SPIDR: variants seen among roughly 807,000 people sequenced by gnomAD.
SPIDR encodes scaffold protein involved in DNA repair.
SPIDR carries 93 observed loss-of-function variants against 104.6 expected under a neutral mutation model. That is an observed-to-expected ratio of 0.89 (90% CI 0.75 to 1.06). The LOEUF (loss-of-function observed/expected upper bound fraction) is 1.06. Ranked by LOEUF, SPIDR falls within the 50% of genes least tolerant of loss-of-function variation. The pLI is 0.00. For missense variants in SPIDR, 1,154 were observed against 1,111.2 expected (o/e 1.04, Z -0.55); for synonymous variants, 431 against 416.9 (o/e 1.03, Z -0.41).
intron 10 of SPIDR, chr8:47,668,027 T>A (rs2075230422): frequency 6.6e-6 from 1 of 152,156 alleles, no homozygotes; most frequent in African/African-American, 2.4e-5. Context: ...GTTCAAATAG[T>A]CCAGTTATCA....
chr8:47,596,731 A>G (rs2061659496), intron 9 of SPIDR, among the ~76,000 whole-genome samples: 1 of 152,192 alleles, frequency 6.6e-6, no homozygotes, highest in Non-Finnish European at 1.5e-5. Flanking sequence ...TAAATTTTTC[A>G]TTAACTTTTT....
At chr8:47,516,844 C>T (rs543435656) in intron 8 of SPIDR, among the ~76,000 whole-genome samples, 1 of 152,148 alleles carries the variant, frequency 6.6e-6, no homozygotes, top group Admixed American at 6.5e-5. Flanking sequence ...TAAGGAACTA[C>T]CATATTGTTT....
At chr8:47,282,894 C>T (rs1554559835) in intron 2 of SPIDR, among the ~76,000 whole-genome samples, 1,607 of 151,214 alleles carry the variant, frequency 0.011, 10 homozygotes, top group Non-Finnish European at 0.016. Context: ...CTGTCTCTGT[C>T]GCTCGGGGTG....
chr8:47,573,594 G>A lies in SPIDR; in HGVS notation c.1098-22217G>A, dbSNP rs75819773. Among the ~76,000 whole-genome samples the A allele has an allele frequency of 4.1e-3, 620 of 152,302 alleles. 2 individuals are homozygous for A. The highest frequency in any genetic ancestry group is 7.0e-3 in the Non-Finnish European group (477 of 68,018). On this transcript the variant is annotated intron_variant, in intron 8 of 19. Coordinates refer to ENST00000297423, the MANE Select transcript of SPIDR (RefSeq NM_001080394.4). ...TGGAGGAAGGTGACAGGAGTAAGTT[G>A]GAGGAGAAGCAAAGTCTGGGAGGCT...
intron 5 of SPIDR, among the ~76,000 whole-genome samples, chr8:47,356,741 TA>T (rs35086261): frequency 0.49 from 74,282 of 151,880 alleles, 22,136 homozygotes; most frequent in Non-Finnish European, 0.66. Context: ...TAGCAGGGGA[TA>T]GGGGGTGGTT....
At chr8:47,578,315 A>G (rs2059356969) in intron 8 of SPIDR, among the ~76,000 whole-genome samples, 1 of 152,130 alleles carries the variant, frequency 6.6e-6, no homozygotes, top group Non-Finnish European at 1.5e-5. Context: ...TACTAAAAAT[A>G]CAAAAAATTA....
chr8:47,357,963 C>T (rs2054895389), intron 5 of SPIDR: 1 of 629,604 alleles, frequency 1.6e-6, no homozygotes. Flanking sequence ...GTGTGGTTTA[C>T]ATTCACTCTG....
chr8:47,490,206 G>T (rs1012138341), intron 8 of SPIDR, among the ~76,000 whole-genome samples: 1 of 152,224 alleles, frequency 6.6e-6, no homozygotes, highest in Admixed American at 6.5e-5. Flanking sequence ...TAGACACTTT[G>T]CAGGGGAAGA....
intron 11 of SPIDR, among the ~76,000 whole-genome samples, chr8:47,691,701 G>GCTGTCT (rs2078679888): frequency 6.6e-6 from 1 of 152,228 alleles, no homozygotes. Context: ...CAGCACAGGT[G>GCTGTCT]CTGTCTCTGT....
Position 47,414,968 on chromosome 8 carries a change from A to G in SPIDR, c.877+7007A>G, listed in dbSNP as rs200004982. On this transcript the variant is annotated intron_variant, in intron 7 of 19. Transcript: ENST00000297423. ...GCCCAGGCTGGAGTGCAGTGGCACC[A>G]TCTCAGCTCACTGCAAGCTCCGCCT... Among the ~76,000 whole-genome samples the G allele has an allele frequency of 2.2e-4, 34 of 152,208 alleles. No homozygotes were observed. In the East Asian group the frequency reaches 6.0e-3, roughly 27 times the overall value.
intron 5 of SPIDR, among the ~76,000 whole-genome samples, chr8:47,338,957 A>G (rs1554611776): frequency 6.6e-6 from 1 of 152,224 alleles, no homozygotes; most frequent in African/African-American, 2.4e-5. Context: ...GTAAAGGACA[A>G]AATGAATAAA....
chr8:47,449,224 A>G (rs2071250878), intron 8 of SPIDR, among the ~76,000 whole-genome samples: 1 of 152,222 alleles, frequency 6.6e-6, no homozygotes, highest in African/African-American at 2.4e-5. Context: ...AAGACAACTA[A>G]GTCTTTGGCT....
chr8:47,382,119 T>C (rs1330054044), intron 5 of SPIDR, among the ~76,000 whole-genome samples: 3 of 152,252 alleles, frequency 2.0e-5, no homozygotes, highest in Non-Finnish European at 2.9e-5. Flanking sequence ...GAGGCACTGC[T>C]TCATCTTGAA....
chr8:47,305,903 A>G (rs1248509917), intron 5 of SPIDR, among the ~76,000 whole-genome samples: 1 of 152,214 alleles, frequency 6.6e-6, no homozygotes, highest in Admixed American at 6.5e-5. Flanking sequence ...TGTAACTACC[A>G]TCACCACCTT....
At chr8:47,537,668 C>A (rs1046911548) in intron 8 of SPIDR, among the ~76,000 whole-genome samples, 1 of 152,122 alleles carries the variant, frequency 6.6e-6, no homozygotes, top group Non-Finnish European at 1.5e-5. Flanking sequence ...TAGACCTGTA[C>A]AACACGAAGA....
intron 8 of SPIDR, among the ~76,000 whole-genome samples, chr8:47,549,377 G>C (rs561855234): frequency 6.6e-6 from 1 of 152,170 alleles, no homozygotes; most frequent in African/African-American, 2.4e-5. Flanking sequence ...CTAGTTTACA[G>C]TCCCACCAAC....
chr8:47,272,256 G>A lies in SPIDR; in HGVS notation c.34-7606G>A, dbSNP rs368419370. On this transcript the variant is annotated intron_variant, in intron 1 of 19. Transcript: ENST00000297423. ...TGCTGGGGTTATAGGCATGAGCCAC[G>A]TCGCCTGGCCTATAATTTTTGCTTG... Among the ~76,000 whole-genome samples, 302 of 151,878 alleles carry A rather than the reference G, an allele frequency of 2.0e-3. 2 individuals carry two copies. Among genetic ancestry groups the A allele is most frequent in the African/African-American group, 6.8e-3 (283 of 41,398 alleles).
chr8:47,330,780 G>A (rs782562714), intron 5 of SPIDR: 2 of 455,988 alleles, frequency 4.4e-6, no homozygotes. Flanking sequence ...TTGCTTCTAG[G>A]TTTTGGCAAT....
At chr8:47,512,015 C>T (rs1022645898) in intron 8 of SPIDR, 1 of 755,488 alleles carries the variant, frequency 1.3e-6, no homozygotes, top group Non-Finnish European at 2.4e-6. Context: ...TCCCCTCTGT[C>T]CTCATAAAAG....
Sources: allele counts gnomAD v4.1 joint callset (sites outside exome capture counted in the v4.1 genomes callset), GRCh38; gene constraint gnomAD v4.1.1; transcripts MANE v1.5; gene names NCBI Gene and HGNC (gene_info 2026-07-23, HGNC 2026-07-21).